Variants in PIEZO2 observed in about 807,000 individuals in gnomAD.
PIEZO2 encodes piezo-type mechanosensitive ion channel component 2.
A neutral mutation model predicts 337.3 loss-of-function variants in PIEZO2; 172 were observed. The observed-to-expected ratio is 0.51, with a 90% confidence interval of 0.45 to 0.58. The LOEUF (loss-of-function observed/expected upper bound fraction) is 0.58, where lower values mean the gene tolerates loss of function less well. PIEZO2 is among the 20% of genes least tolerant of loss of function. The pLI, the probability that PIEZO2 is intolerant of heterozygous loss-of-function variation, is 0.00. For synonymous variants in PIEZO2, 1,251 were observed against 1,228.5 expected, an observed-to-expected ratio of 1.02 and a Z score of -0.38; for missense variants, 3,028 against 3,391.3, an observed-to-expected ratio of 0.89 and a Z score of 2.66.
rs1178549780 is a variant in PIEZO2, at chr18:10,773,915, C to T, written c.2567+91G>A. On this transcript the variant is annotated intron_variant, in intron 19 of 55. Coordinates refer to ENST00000674853, the MANE Select transcript of PIEZO2 (RefSeq NM_001378183.1). This position sits in a 1 kb window ranked among gnomAD's most constrained non-coding sequence, Gnocchi z 5.3. ...TCAACACCTAAACTTGACATTTTTC[C>T]CAGAGGAGAAAATGGTCAGAGTTTA... 6 of 670,098 alleles carry T rather than the reference C, an allele frequency of 9.0e-6. No individual in the cohort carries two copies. The highest frequency in any genetic ancestry group is 1.6e-5 in the Non-Finnish European group (6 of 372,302). 41.5% of individuals were successfully genotyped at this position (670,098 alleles called of 1,614,324 possible). A position where few individuals can be genotyped will look rare whatever the true frequency, so the allele number is the denominator to read the frequency against.
Position 11,144,092 on chromosome 18 carries a change from G to T in PIEZO2, c.64+4433C>A, listed in dbSNP as rs190602162. ...GGCAACACCATCCTTCCTCAAAGGT[G>T]AAGTCCAAAGCCATCTGCTTATCTC... On this transcript the variant is annotated intron_variant, in intron 1 of 55. Coordinates refer to ENST00000674853, the MANE Select transcript of PIEZO2 (RefSeq NM_001378183.1). Among the ~76,000 whole-genome samples the T allele has an allele frequency of 3.2e-3, 486 of 152,286 alleles. 3 individuals carry two copies. The highest frequency in any genetic ancestry group is 0.011 in the African/African-American group (450 of 41,560).
At chr18:11,106,931 A>G (rs778327947) in intron 1 of PIEZO2, among the ~76,000 whole-genome samples, 53 of 152,184 alleles carry the variant, frequency 3.5e-4, no homozygotes, top group Non-Finnish European at 6.5e-4. Context: ...TGAGAAACAA[A>G]TAAGCTCAGG....
intron 1 of PIEZO2, among the ~76,000 whole-genome samples, chr18:11,130,944 C>A (rs2040323210): frequency 6.6e-6 from 1 of 152,222 alleles, no homozygotes; most frequent in African/African-American, 2.4e-5. Flanking sequence ...GCCACATGGA[C>A]CATATGACCC....
Position 10,954,474 on chromosome 18 carries a change from A to G in PIEZO2, c.286+25061T>C, listed in dbSNP as rs1048183852. ...TTGTTGATTGCCAATATGTAGAAATACAATTTATTTTGGTATGTTGATCTT... is the reference window on the plus strand; with the variant it reads ...TTGTTGATTGCCAATATGTAGAAATGCAATTTATTTTGGTATGTTGATCTT... On this transcript the variant is annotated intron_variant, in intron 3 of 55. Transcript: ENST00000674853. This position sits in a 1 kb window ranked among gnomAD's most constrained non-coding sequence, Gnocchi z 4.2. Among the ~76,000 whole-genome samples the G allele has an allele frequency of 1.3e-5, 2 of 152,250 alleles. No individual in the cohort carries two copies. The highest frequency in any genetic ancestry group is 6.5e-5 in the Admixed American group (1 of 15,288).
intron 7 of PIEZO2, among the ~76,000 whole-genome samples, chr18:10,842,718 A>G (rs1234444673): frequency 6.6e-6 from 1 of 152,240 alleles, no homozygotes; most frequent in Non-Finnish European, 1.5e-5. Flanking sequence ...AGACTAAGAC[A>G]TTATGTTGAT....
intron 2 of PIEZO2, among the ~76,000 whole-genome samples, chr18:10,998,861 CA>C (rs10544415): frequency 0.45 from 53,537 of 118,716 alleles, 10,116 homozygotes; most frequent in Non-Finnish European, 0.52. Context: ...TCAAATACAG[CA>C]AAAAAAAAAA....
rs1237751731 is a variant in PIEZO2 at position 10,699,021 on chromosome 18, A to G, written c.6598T>C (p.Phe2200Leu). Reference protein sequence around the residue: ...AASVESVHVTFPEQQTAVRRK... With the variant: ...AASVESVHVTLPEQQTAVRRK... ...CGGACAGCTGTCTGCTGCTCCGGGA[A>G]GGTCACATGCACTGACTCCACAGAC... The change falls in exon 44 of 56, where the codon TTC (phenylalanine) becomes CTC (leucine). Residue 2200 changes from phenylalanine (F) to leucine (L), a missense_variant. This residue lies in a region of PIEZO2 where 1,925 missense variants were observed against 2,051.9 expected (regional missense o/e 0.94). Coordinates refer to ENST00000674853, the MANE Select transcript of PIEZO2 (RefSeq NM_001378183.1). The G allele has an allele frequency of 6.5e-7, 1 of 1,537,124 alleles. No homozygotes were observed. The highest frequency in any genetic ancestry group is 1.4e-5 in the African/African-American group (1 of 73,170).
At chr18:10,695,304 G>A (rs1189403963) in intron 47 of PIEZO2, among the ~76,000 whole-genome samples, 1 of 152,186 alleles carries the variant, frequency 6.6e-6, no homozygotes, top group African/African-American at 2.4e-5. Context: ...GGAGGCTGGG[G>A]AGAAGAAGGC....
chr18:10,720,724 C>T (rs562057766), intron 36 of PIEZO2, among the ~76,000 whole-genome samples: 26 of 151,942 alleles, frequency 1.7e-4, no homozygotes, highest in Non-Finnish European at 2.5e-4. Context: ...AGATTACAGG[C>T]ATAAGCCACA....
chr18:10,765,514 G>A (rs553360393), intron 21 of PIEZO2, among the ~76,000 whole-genome samples: 2 of 152,236 alleles, frequency 1.3e-5, no homozygotes, highest in African/African-American at 2.4e-5. Flanking sequence ...TATTCTGGCC[G>A]CATTGTGGAA....
At chr18:10,671,881 T>C in intron 55 of PIEZO2, 102 bp from the exon 56 acceptor site, 1 of 1,088,956 alleles carries the variant, frequency 9.2e-7, no homozygotes, top group Non-Finnish European at 1.3e-6. Flanking sequence ...TCAAATTCTG[T>C]AGAAGAAATA....
At position 10,824,655 on chromosome 18, in the gene PIEZO2, T is replaced by C. The variant is rs1230169031; in HGVS notation, c.918-17381A>G. 2.6e-5 allele frequency among the ~76,000 whole-genome samples: 4 copies of C among 152,116 alleles called. No individual in the cohort carries two copies. Among genetic ancestry groups the C allele is most frequent in the Non-Finnish European group, 4.4e-5 (3 of 68,026 alleles). On this transcript the variant is annotated intron_variant, in intron 7 of 55. Transcript: ENST00000674853. The surrounding 1 kb of genome is among the most constrained non-coding windows in gnomAD (Gnocchi z 4.4). The stretch of plus-strand genomic sequence containing the variant: ...TATGAAACAAGTTCCAAGATATATT[T>C]CAAGTGTTTTTTTAAATTTTAGAAC...
intron 3 of PIEZO2, among the ~76,000 whole-genome samples, chr18:10,966,227 T>C (rs551254210): frequency 6.6e-6 from 1 of 152,300 alleles, no homozygotes; most frequent in Admixed American, 6.5e-5. Context: ...TCTTAGGTCT[T>C]TCCTTCTTCC....
Position 10,863,114 on chromosome 18 carries a change from G to A in PIEZO2, c.493-5903C>T, listed in dbSNP as rs1386722625. Among the ~76,000 whole-genome samples, 1 of 152,116 alleles carries A rather than the reference G, an allele frequency of 6.6e-6. No homozygotes were observed. The highest frequency in any genetic ancestry group is 1.5e-5 in the Non-Finnish European group (1 of 68,018). ...GGCAAAAGGAGCATTTTTCTGAAGT[G>A]TCATCAATTGTTTATTCATTGTTTA... is the stretch of plus-strand genomic sequence containing the variant. On this transcript the variant is annotated intron_variant, in intron 5 of 55. Transcript: ENST00000674853. The surrounding 1 kb of genome is among the most constrained non-coding windows in gnomAD (Gnocchi z 4.3).
intron 3 of PIEZO2, among the ~76,000 whole-genome samples, chr18:10,939,036 C>A (rs2032565474): frequency 1.3e-5 from 2 of 151,340 alleles, no homozygotes; most frequent in African/African-American, 4.9e-5. Context: ...TACAGTGAGC[C>A]GAAATCATGT....
chr18:11,049,751 A>G (rs528083064), intron 2 of PIEZO2, among the ~76,000 whole-genome samples: 47 of 152,226 alleles, frequency 3.1e-4, no homozygotes, highest in Non-Finnish European at 5.1e-4. Context: ...CTTGCCTGCC[A>G]CCATGTAAGA....
intron 1 of PIEZO2, among the ~76,000 whole-genome samples, chr18:11,107,696 G>A (rs1222516123): frequency 6.6e-6 from 1 of 152,144 alleles, no homozygotes; most frequent in Non-Finnish European, 1.5e-5. Flanking sequence ...TTTCAAGGAG[G>A]CCACTACGAA....
At chr18:10,737,309 G>A (rs1215182828) in intron 33 of PIEZO2, among the ~76,000 whole-genome samples, 8 of 103,180 alleles carry the variant, frequency 7.8e-5, no homozygotes, top group African/African-American at 1.8e-4. Flanking sequence ...AAAAAAACAC[G>A]CACACACTGC....
chr18:10,744,875 C>T (rs889136740), intron 30 of PIEZO2, among the ~76,000 whole-genome samples: 68 of 152,234 alleles, frequency 4.5e-4, no homozygotes, highest in African/African-American at 1.4e-3. Flanking sequence ...TCTGCAGGAA[C>T]CTGACAGTGT....
Sources: gnomAD v4.1 joint callset for allele counts (sites outside exome capture counted in the v4.1 genomes callset) on GRCh38, gnomAD v4.1.1 for gene constraint, gnomAD v4.1.1 regional missense constraint, Gnocchi (gnomAD v3.1) non-coding constraint, MANE v1.5 for transcripts, NCBI Gene and HGNC (gene_info 2026-07-23, HGNC 2026-07-21) for gene names.